Variants in MGAT3 observed in about 807,000 individuals in gnomAD.
The protein encoded by MGAT3 is GlcNAc-T III.
A neutral mutation model predicts 29.8 loss-of-function variants in MGAT3; 9 were observed. The observed-to-expected ratio is 0.30, with a 90% CI of 0.18 to 0.53. The LOEUF (loss-of-function observed/expected upper bound fraction) is 0.53. MGAT3 is among the 20% of genes least tolerant of loss of function. The pLI, the probability that MGAT3 is intolerant of heterozygous loss-of-function variation, is 0.96. For missense variants in MGAT3, 557 were observed against 769.5 expected (o/e 0.72, Z 3.27); for synonymous variants, 397 against 348.9 (o/e 1.14, Z -1.54).
intron 1 of MGAT3, among the ~76,000 whole-genome samples, chr22:39,463,255 C>T (rs989753826): frequency 3.9e-5 from 6 of 152,236 alleles, no homozygotes; most frequent in African/African-American, 1.4e-4. Context: ...CTATTATCAT[C>T]CCTGTTTGGC....
At chr22:39,471,757 G>C (rs1263777355) in intron 1 of MGAT3, among the ~76,000 whole-genome samples, 1 of 152,102 alleles carries the variant, frequency 6.6e-6, no homozygotes, top group East Asian at 1.9e-4. Context: ...ACGAGGCACA[G>C]GGGCAGAGGG....
rs562731450 is a variant in MGAT3 at position 39,485,880 on chromosome 22, T to C, written c.-1-1467T>C. On this transcript the variant is annotated intron_variant, in intron 1 of 1. Transcript: ENST00000341184. Reference sequence around the variant, plus strand: ...TCTCCATTCCACAGCCATAAACTGATTGATAAATTAAACTGTATAAATGAA... The same window carrying C: ...TCTCCATTCCACAGCCATAAACTGACTGATAAATTAAACTGTATAAATGAA... 5.9e-5 allele frequency among the ~76,000 whole-genome samples: 9 copies of C among 152,362 alleles called. No homozygotes were observed. In the South Asian group the frequency reaches 6.2e-4, roughly 11 times the overall value.
chr22:39,470,939 C>T (rs978833183), intron 1 of MGAT3, among the ~76,000 whole-genome samples: 3 of 152,180 alleles, frequency 2.0e-5, no homozygotes, highest in Non-Finnish European at 4.4e-5. Flanking sequence ...GCCCTCGCCC[C>T]ACGCTGACTC....
chr22:39,467,949 TCA>T (rs1928703925), intron 1 of MGAT3, among the ~76,000 whole-genome samples: 1 of 151,308 alleles, frequency 6.6e-6, no homozygotes, highest in African/African-American at 2.4e-5. Context: ...GCCGCCACCC[TCA>T]CCTTGATGAG....
Position 39,488,706 on chromosome 22 carries a change from C to T in MGAT3, c.1359C>T (p.Asn453=), listed in dbSNP as rs775096823. Residue 453 remains asparagine, a synonymous_variant, in exon 2 of 2, where the codon AAC becomes AAT. Coordinates refer to ENST00000341184, the MANE Select transcript of MGAT3 (RefSeq NM_002409.5). ...ACTACGAGGACAAGCGGGACCTGAA[C>T]TACATCCGCGGCCTGATCCGCACCG... The part of the protein sequence containing the change: ...WGDYEDKRDL[N]YIRGLIRTGG... 9.3e-6 allele frequency: 15 copies of T among 1,613,772 alleles called. No homozygotes were observed. The East Asian group carries it at 3.3e-4, about 36-fold the overall frequency.
rs1928357384 is a variant in MGAT3 at position 39,457,313 on chromosome 22, T to TCCCCGGGG, written c.-246_-245insCCCCGGGG. 8.5e-6 allele frequency: 1 copy of TCCCCGGGG among 118,244 alleles called. No individual in the cohort carries two copies. The highest frequency in any genetic ancestry group is 1.7e-5 in the Non-Finnish European group (1 of 58,762). 7.3% of individuals were successfully genotyped at this position (118,244 alleles called of 1,614,324 possible). A position where few individuals can be genotyped will look rare whatever the true frequency, so the allele number is the denominator to read the frequency against. ...CCGGGCCCCCGCCGCCGCCCCGGGG[T>TCCCCGGGG]GCAGCCGAGCGGCCGCGCCGGGTCC... On this transcript the variant is annotated 5_prime_UTR_variant, in exon 1 of 2. Transcript: ENST00000341184. The surrounding 1 kb of genome is among the most constrained non-coding windows in gnomAD (Gnocchi z 6.8).
At chr22:39,461,877 G>T (rs1928507646) in intron 1 of MGAT3, among the ~76,000 whole-genome samples, 1 of 151,882 alleles carries the variant, frequency 6.6e-6, no homozygotes, top group Non-Finnish European at 1.5e-5. Context: ...AAATTGAGGT[G>T]CAGTCTCTTG....
chr22:39,489,935 G>A lies in MGAT3; in HGVS notation c.*986G>A, dbSNP rs892291980. ...CCTTCCTTGGGGCAGGCTGGCTGGG[G>A]GCCAGAAAGGGGCCATGAGGCTGTC... On this transcript the variant is annotated 3_prime_UTR_variant, in exon 2 of 2. Coordinates refer to ENST00000341184, the MANE Select transcript of MGAT3 (RefSeq NM_002409.5). 3 of 167,446 alleles carry A rather than the reference G, an allele frequency of 1.8e-5. No individual in the cohort carries two copies. Among genetic ancestry groups the A allele is most frequent in the Admixed American group, 6.5e-5 (1 of 15,294 alleles). 10.4% of individuals were successfully genotyped at this position (167,446 alleles called of 1,614,324 possible). A position where few individuals can be genotyped will look rare whatever the true frequency, so the allele number is the denominator to read the frequency against.
At chr22:39,483,595 T>C (rs988007558) in intron 1 of MGAT3, among the ~76,000 whole-genome samples, 3 of 152,114 alleles carry the variant, frequency 2.0e-5, no homozygotes, top group Non-Finnish European at 4.4e-5. Context: ...TCTGGAAGCT[T>C]CCGCCATGCT....
rs1287999933 is a variant in MGAT3 at position 39,489,025 on chromosome 22, C to T, written c.*76C>T. 5 of 1,049,308 alleles carry T rather than the reference C, an allele frequency of 4.8e-6. No individual in the cohort carries two copies. Among genetic ancestry groups the T allele is most frequent in the Non-Finnish European group, 5.1e-6 (4 of 788,492 alleles). The allele number at this position is 1,049,308 out of a possible 1,614,324, so 65.0% of individuals were successfully genotyped here. ...CTAGCGCTATCTCCCTGCCTCCTGC[C>T]GGCTCCTTGGTTCTTGAGGGGACCA... is the stretch of plus-strand genomic sequence containing the variant. On this transcript the variant is annotated 3_prime_UTR_variant, in exon 2 of 2. Coordinates refer to ENST00000341184, the MANE Select transcript of MGAT3 (RefSeq NM_002409.5).
chr22:39,486,433 G>A (rs998660526), intron 1 of MGAT3, among the ~76,000 whole-genome samples: 8 of 151,898 alleles, frequency 5.3e-5, no homozygotes, highest in African/African-American at 1.9e-4. Context: ...GTGAGCCACT[G>A]CACTGGCCGA....
chr22:39,475,128 C>CTTTTTTTTTTTTTTTTTTTT lies in MGAT3; in HGVS notation c.-1-12216_-1-12197dup, dbSNP rs58543840. On this transcript the variant is annotated intron_variant, in intron 1 of 1. Coordinates refer to ENST00000341184, the MANE Select transcript of MGAT3 (RefSeq NM_002409.5). ...TGAATTCACAGCAGGGCTTGCCAGG[C>CTTTTTTTTTTTTTTTTTTTT]TTTTTTTTTTTTTTTTTTTTTTAAC... 1.0e-4 allele frequency among the ~76,000 whole-genome samples: 12 copies of CTTTTTTTTTTTTTTTTTTTT among 118,766 alleles called. 1 individual carries two copies. The highest frequency in any genetic ancestry group is 4.4e-4 in the African/African-American group (12 of 27,056). The allele number at this position is 118,766 out of a possible 152,430, so 77.9% of individuals were successfully genotyped here. A position where few individuals can be genotyped will look rare whatever the true frequency, so the allele number is the denominator to read the frequency against.
rs1177203461 is a variant in MGAT3 at position 39,457,941 on chromosome 22, C to T, written c.-2+384C>T. 6.6e-6 allele frequency among the ~76,000 whole-genome samples: 1 copy of T among 151,734 alleles called. No homozygotes were observed. Among genetic ancestry groups the T allele is most frequent in the African/African-American group, 2.4e-5 (1 of 41,374 alleles). On this transcript the variant is annotated intron_variant, in intron 1 of 1. Transcript: ENST00000341184. This position sits in a 1 kb window ranked among gnomAD's most constrained non-coding sequence, Gnocchi z 6.8. ...GGCTCCCCCACAACCTCCGGCGCGG[C>T]GCGGGGCTGGGGTGGGAGGCCTCCG...
chr22:39,477,316 C>T (rs988064728), intron 1 of MGAT3, among the ~76,000 whole-genome samples: 12 of 152,194 alleles, frequency 7.9e-5, no homozygotes, highest in Non-Finnish European at 1.2e-4. Context: ...GGCCGGATTC[C>T]GCAGATTCTG....
At chr22:39,473,681 T>C (rs1414602622) in intron 1 of MGAT3, among the ~76,000 whole-genome samples, 1 of 151,724 alleles carries the variant, frequency 6.6e-6, no homozygotes, top group African/African-American at 2.4e-5. Flanking sequence ...CCAGGCTAGC[T>C]GGAGGCCAGG....
chr22:39,486,540 G>A (rs1929277824), intron 1 of MGAT3, among the ~76,000 whole-genome samples: 2 of 152,168 alleles, frequency 1.3e-5, no homozygotes, highest in African/African-American at 4.8e-5. Flanking sequence ...TCAGTCTGTT[G>A]TCCAGGCTGG....
At position 39,457,875 on chromosome 22, in the gene MGAT3, C is replaced by T. The variant is rs964657136; in HGVS notation, c.-2+318C>T. ...GGGGACGTCCCCGAGGCGCGGGGCT[C>T]GAGCCGTGCTTTGTGCGCGGCACCC... is the stretch of plus-strand genomic sequence containing the variant. On this transcript the variant is annotated intron_variant, in intron 1 of 1. Transcript: ENST00000341184. This position sits in a 1 kb window ranked among gnomAD's most constrained non-coding sequence, Gnocchi z 6.8. Among the ~76,000 whole-genome samples the T allele has an allele frequency of 1.3e-5, 2 of 151,386 alleles. No homozygotes were observed. Among genetic ancestry groups the T allele is most frequent in the African/African-American group, 2.4e-5 (1 of 41,330 alleles).
chr22:39,479,215 T>C (rs1929054794), intron 1 of MGAT3, among the ~76,000 whole-genome samples: 1 of 152,240 alleles, frequency 6.6e-6, no homozygotes, highest in Admixed American at 6.5e-5. Flanking sequence ...GGCACACACC[T>C]GTAGTCCCAG....
intron 1 of MGAT3, among the ~76,000 whole-genome samples, chr22:39,459,027 C>T (rs1928422737): frequency 6.6e-6 from 1 of 151,832 alleles, no homozygotes; most frequent in Non-Finnish European, 1.5e-5. Context: ...GTGGTCAGGG[C>T]TACTTGAGGC....
Sources: allele counts gnomAD v4.1 joint callset (sites outside exome capture counted in the v4.1 genomes callset), GRCh38; gene constraint gnomAD v4.1.1; non-coding constraint Gnocchi (gnomAD v3.1); transcripts MANE v1.5; gene names NCBI Gene and HGNC (gene_info 2026-07-23, HGNC 2026-07-21).